The following PCDH7 variants were observed in gnomAD, a reference collection of about 807,000 sequenced individuals.
The protein encoded by PCDH7 is protocadherin-7.
In PCDH7, 17 loss-of-function variants were observed where a neutral mutation model predicts 58.9. The ratio of observed to expected loss-of-function variants is 0.29; its 90% CI spans 0.20 to 0.43. The LOEUF (loss-of-function observed/expected upper bound fraction) is 0.43, where lower values mean the gene tolerates loss of function less well. Ranked by LOEUF, PCDH7 falls within the 20% of genes least tolerant of loss-of-function variation. The pLI is 1.00. For missense variants in PCDH7, 1,274 were observed against 1,441.0 expected (o/e 0.88, Z 1.88); for synonymous variants, 664 against 616.4 (o/e 1.08, Z -1.14).
At chr4:30,736,597 G>T (rs181796881), downstream of PCDH7, among the ~76,000 whole-genome samples, 664 of 146,144 alleles carry the variant, frequency 4.5e-3, 3 homozygotes, top group Non-Finnish European at 8.0e-3. Context: ...GTGTAGTTCC[G>T]CGATCTCGGC....
At chr4:31,135,229 T>C (rs1479918986) in intron 3 of PCDH7, among the ~76,000 whole-genome samples, 2 of 152,328 alleles carry the variant, frequency 1.3e-5, no homozygotes, top group Middle Eastern at 3.4e-3. Flanking sequence ...GTGCTGCCCA[T>C]GCAAGCAAAG....
At chr4:30,794,489 T>C (rs1724535840) in intron 1 of PCDH7, among the ~76,000 whole-genome samples, 1 of 152,172 alleles carries the variant, frequency 6.6e-6, no homozygotes, top group South Asian at 2.1e-4. Context: ...AATCTATAGA[T>C]ATCATTTGGA....
intron 3 of PCDH7, among the ~76,000 whole-genome samples, chr4:31,128,332 T>G (rs1310549555): frequency 2.0e-5 from 3 of 152,064 alleles, no homozygotes; most frequent in Non-Finnish European, 2.9e-5. Context: ...TTTAAATGTA[T>G]TCATCAGGTT....
chr4:30,721,515 G>A lies in PCDH7; in HGVS notation c.93G>A (p.Lys31=). Residue 31 remains lysine, a synonymous_variant, in exon 1 of 2, where the codon AAG becomes AAA. Coordinates refer to ENST00000361762, the Ensembl canonical transcript of PCDH7. This position sits in a 1 kb window ranked among gnomAD's most constrained non-coding sequence, Gnocchi z 6.7. ...TCTCGCTCAGCCTGGCGGCCGCCAA[G>A]CAGCTCCTCCGGTACCGGCTGGCCG... 1 of 1,600,720 alleles carries A rather than the reference G, an allele frequency of 6.2e-7. No homozygotes were observed. The highest frequency in any genetic ancestry group is 8.5e-7 in the Non-Finnish European group (1 of 1,179,094).
chr4:31,052,279 T>A (rs1756815794), intron 3 of PCDH7, among the ~76,000 whole-genome samples: 2 of 152,160 alleles, frequency 1.3e-5, no homozygotes, highest in African/African-American at 4.8e-5. Flanking sequence ...GCAAAACTGA[T>A]ACAGAATTCT....
chr4:30,731,555 AC>A (rs1387617507), exon 2 of PCDH7: 1 of 152,164 alleles, frequency 6.6e-6, no homozygotes, highest in African/African-American at 2.4e-5. Flanking sequence ...AAAATTTAGA[AC>A]TTTTCACTTT....
At chr4:31,084,672 G>C (rs975968131) in intron 3 of PCDH7, among the ~76,000 whole-genome samples, 2 of 131,652 alleles carry the variant, frequency 1.5e-5, no homozygotes, top group African/African-American at 5.7e-5. Flanking sequence ...GAGAGAGAGA[G>C]AGAGATAAAG....
chr4:30,912,646 A>G (rs1043478510), intron 1 of PCDH7, among the ~76,000 whole-genome samples: 3 of 152,188 alleles, frequency 2.0e-5, no homozygotes, highest in African/African-American at 7.2e-5. Context: ...TAAAGTTCCC[A>G]ATAAAGTTGT....
intron 3 of PCDH7, among the ~76,000 whole-genome samples, chr4:31,140,965 C>T (rs368820907): frequency 2.0e-5 from 3 of 152,062 alleles, no homozygotes; most frequent in Non-Finnish European, 4.4e-5. Flanking sequence ...TCCTTGTTAA[C>T]GCTTAGTCAA....
At chr4:30,964,692 A>G in intron 3 of PCDH7, among the ~76,000 whole-genome samples, 1 of 151,932 alleles carries the variant, frequency 6.6e-6, no homozygotes, top group Non-Finnish European at 1.5e-5. Context: ...GGACAACAGA[A>G]GTAGAAGTAC....
chr4:31,036,360 A>G (rs903074245), intron 3 of PCDH7, among the ~76,000 whole-genome samples: 2 of 151,966 alleles, frequency 1.3e-5, no homozygotes. Context: ...TAATTTCTGT[A>G]TTTTTAGTAG....
At chr4:30,937,994 T>C (rs1745560573) in intron 2 of PCDH7, among the ~76,000 whole-genome samples, 1 of 151,998 alleles carries the variant, frequency 6.6e-6, no homozygotes. Flanking sequence ...GTAATTATCA[T>C]ATATATTTTA....
At chr4:31,069,929 T>C (rs16884311) in intron 3 of PCDH7, among the ~76,000 whole-genome samples, 1,323 of 120,456 alleles carry the variant, frequency 0.011, 11 homozygotes, top group African/African-American at 0.035. Flanking sequence ...TTCCTGAAGT[T>C]TGACCCTTTT....
At chr4:30,900,173 C>T (rs1278220988) in intron 1 of PCDH7, among the ~76,000 whole-genome samples, 2 of 152,076 alleles carry the variant, frequency 1.3e-5, no homozygotes, top group Admixed American at 6.6e-5. Context: ...TTCCCATTTT[C>T]CCCCCATATT....
At chr4:31,120,425 T>C (rs956087547) in intron 3 of PCDH7, among the ~76,000 whole-genome samples, 4 of 133,436 alleles carry the variant, frequency 3.0e-5, no homozygotes, top group African/African-American at 5.7e-5. Flanking sequence ...TTCGTTGTTT[T>C]TCTTTCTATT....
intron 1 of PCDH7, among the ~76,000 whole-genome samples, chr4:30,795,257 A>G (rs1284478042): frequency 2.0e-5 from 3 of 152,196 alleles, no homozygotes; most frequent in Non-Finnish European, 4.4e-5. Flanking sequence ...CTGGAATTAC[A>G]GTCAAATCCC....
chr4:31,047,952 T>A (rs2109215281), intron 3 of PCDH7, among the ~76,000 whole-genome samples: 1 of 152,166 alleles, frequency 6.6e-6, no homozygotes, highest in African/African-American at 2.4e-5. Context: ...CATAGATGAC[T>A]TGTGGTTTAT....
At chr4:31,127,900 T>C (rs1560249762) in intron 3 of PCDH7, among the ~76,000 whole-genome samples, 1 of 151,902 alleles carries the variant, frequency 6.6e-6, no homozygotes, top group Non-Finnish European at 1.5e-5. Context: ...AATTTCCATA[T>C]AATATGATTA....
chr4:31,116,346 T>C (rs1420227361), intron 3 of PCDH7, among the ~76,000 whole-genome samples: 1 of 152,236 alleles, frequency 6.6e-6, no homozygotes, highest in African/African-American at 2.4e-5. Context: ...TTCTGGTTGT[T>C]ATAGGCAGTA....
Sources: gnomAD v4.1 joint callset for allele counts (sites outside exome capture counted in the v4.1 genomes callset) on GRCh38, gnomAD v4.1.1 for gene constraint, Gnocchi (gnomAD v3.1) non-coding constraint, MANE v1.5 for transcripts, NCBI Gene and HGNC (gene_info 2026-07-23, HGNC 2026-07-21) for gene names.